The following DMTF1 variants were observed in gnomAD, a reference collection of about 807,000 sequenced individuals.
DMTF1 encodes cyclin D binding myb like transcription factor 1.
DMTF1 carries 39 observed loss-of-function variants against 91.1 expected under a neutral mutation model. The ratio of observed to expected loss-of-function variants is 0.43; its 90% CI spans 0.33 to 0.56. DMTF1 has a LOEUF of 0.56. DMTF1 is among the 20% of genes least tolerant of loss of function. The probability of loss-of-function intolerance (pLI) is 0.05; values close to 1 mark genes in which losing one functional copy is unlikely to be tolerated. For synonymous variants in DMTF1, 338 were observed against 309.5 expected, an observed-to-expected ratio of 1.09 and a Z score of -0.97; for missense variants, 750 against 914.5, an observed-to-expected ratio of 0.82 and a Z score of 2.32.
At chr7:87,191,822 A>G (rs1799863855) in intron 14 of DMTF1, among the ~76,000 whole-genome samples, 1 of 152,178 alleles carries the variant, frequency 6.6e-6, no homozygotes, top group Non-Finnish European at 1.5e-5. Flanking sequence ...TTCTAAAACA[A>G]GTAAACCTAT....
intron 16 of DMTF1, 195 bp from the exon 17 acceptor site, chr7:87,194,489 C>T: frequency 1.9e-6 from 1 of 525,528 alleles, no homozygotes; most frequent in South Asian, 3.1e-5. Context: ...TGACCTAGTC[C>T]TTATGAGTTC....
intron 7 of DMTF1, among the ~76,000 whole-genome samples, chr7:87,177,101 A>C (rs1796413758): frequency 1.3e-5 from 2 of 152,174 alleles, no homozygotes; most frequent in Non-Finnish European, 2.9e-5. Context: ...TTTGCTGTGA[A>C]GTTTCATACA....
chr7:87,193,197 G>A lies in DMTF1; in HGVS notation c.1495-1G>A. On this transcript the variant is annotated splice_acceptor_variant, in intron 14 of 17. Transcript: ENST00000331242. LOFTEE classifies it high-confidence loss of function. ...TAAACTATCTTTCCTTTTTCCTTTA[G>A]TCTTTCCATCTACAGCCCACTGGCA... is the stretch of plus-strand genomic sequence containing the variant. 1 of 1,611,006 alleles carries A rather than the reference G, an allele frequency of 6.2e-7. No individual in the cohort carries two copies. The highest frequency in any genetic ancestry group is 8.5e-7 in the Non-Finnish European group (1 of 1,178,788).
At chr7:87,184,246 A>G (rs576722291) in intron 10 of DMTF1, 151 bp from the exon 11 acceptor site, 344 of 654,212 alleles carry the variant, frequency 5.3e-4, no homozygotes, top group Non-Finnish European at 8.0e-4. Flanking sequence ...AAACTGTCTT[A>G]GTGGGTATAT....
In DMTF1 at chr7:87,163,874, A is replaced by G. The variant is rs115004336; in HGVS notation, c.-9+257A>G. ...GTGGTAAATATATGAATGGACTAAT[A>G]TCTTGTGTATAGGAGCCAGAGAGAG... On this transcript the variant is annotated intron_variant, in intron 2 of 17. Coordinates refer to ENST00000331242, the MANE Select transcript of DMTF1 (RefSeq NM_001142327.2). Among the ~76,000 whole-genome samples the G allele has an allele frequency of 5.2e-3, 796 of 152,160 alleles. 4 individuals are homozygous for G. The highest frequency in any genetic ancestry group is 0.019 in the African/African-American group (768 of 41,496).
At chr7:87,190,339 T>TG (rs1183526653) in intron 13 of DMTF1, among the ~76,000 whole-genome samples, 2 of 151,980 alleles carry the variant, frequency 1.3e-5, no homozygotes, top group African/African-American at 2.4e-5. Context: ...GTTTATAAAG[T>TG]AAGTTATTTA....
intron 4 of DMTF1, among the ~76,000 whole-genome samples, chr7:87,168,398 C>T (rs1190271732): frequency 6.6e-6 from 1 of 152,172 alleles, no homozygotes; most frequent in East Asian, 1.9e-4. Context: ...CATTTGTGAT[C>T]TATTTCAGAC....
chr7:87,162,794 C>T (rs977235224), intron 1 of DMTF1: 1 of 148,276 alleles, frequency 6.7e-6, no homozygotes, highest in Admixed American at 6.7e-5. Context: ...GAAACGTCCC[C>T]TTGAACCTCA....
intron 1 of DMTF1, among the ~76,000 whole-genome samples, chr7:87,154,045 A>G (rs1041107431): frequency 3.9e-5 from 6 of 152,232 alleles, no homozygotes; most frequent in African/African-American, 1.4e-4. Context: ...GCGATACACC[A>G]AAATCTTATC....
Position 87,195,238 on chromosome 7 carries a change from C to G in DMTF1, c.*98C>G, listed in dbSNP as rs1801014101. The G allele has an allele frequency of 1.2e-6, 1 of 813,402 alleles. No homozygotes were observed. Among genetic ancestry groups the G allele is most frequent in the Non-Finnish European group, 2.0e-6 (1 of 505,548 alleles). 50.4% of individuals were successfully genotyped at this position (813,402 alleles called of 1,614,324 possible). ...AGCAACCCCCAAGAGGCTTAATTTACCAATTTAAATAGCCACAGTCCTTAA... is the reference window on the plus strand; with the variant it reads ...AGCAACCCCCAAGAGGCTTAATTTAGCAATTTAAATAGCCACAGTCCTTAA... On this transcript the variant is annotated 3_prime_UTR_variant, in exon 18 of 18. Coordinates refer to ENST00000331242, the MANE Select transcript of DMTF1 (RefSeq NM_001142327.2).
At chr7:87,182,808 C>T (rs1018771011) in intron 10 of DMTF1, among the ~76,000 whole-genome samples, 1 of 152,178 alleles carries the variant, frequency 6.6e-6, no homozygotes, top group Admixed American at 6.5e-5. Flanking sequence ...TTATTTTAAA[C>T]TCAAAGTATA....
At chr7:87,193,048 G>T in intron 14 of DMTF1, 150 bp from the exon 15 acceptor site, 1 of 708,368 alleles carries the variant, frequency 1.4e-6, no homozygotes, top group Non-Finnish European at 2.3e-6. Flanking sequence ...GCTAGGTAAT[G>T]ACTTGAGACG....
In DMTF1 at chr7:87,164,947, C is replaced by T. The variant is rs1336442558; in HGVS notation, c.6C>T (p.Ser2=). 6 of 1,602,536 alleles carry T rather than the reference C, an allele frequency of 3.7e-6. No individual in the cohort carries two copies. The highest frequency in any genetic ancestry group is 5.1e-6 in the Non-Finnish European group (6 of 1,173,316). M[S]TVEEDSDTVT... The stretch of plus-strand genomic sequence containing the variant: ...GTTCTTGTACAGATTTGAGTATGAG[C>T]ACAGTGGAAGAGGATTCTGACACAG... The change falls in exon 3 of 18, where the codon AGC becomes AGT. Residue 2 remains serine, a synonymous_variant. Transcript: ENST00000331242.
intron 14 of DMTF1, among the ~76,000 whole-genome samples, chr7:87,191,339 A>G (rs527808730): frequency 3.3e-5 from 5 of 152,236 alleles, no homozygotes; most frequent in African/African-American, 4.8e-5. Flanking sequence ...ATCATGAGCA[A>G]TTTAACAACA....
intron 12 of DMTF1, 149 bp downstream of exon 12, chr7:87,186,129 T>G (rs1230764703): frequency 2.0e-5 from 16 of 807,974 alleles, no homozygotes; most frequent in Non-Finnish European, 3.1e-5. Flanking sequence ...AGTAATTGTT[T>G]CCTTCCCCAG....
intron 3 of DMTF1, among the ~76,000 whole-genome samples, 190 bp from the exon 4 acceptor site, chr7:87,166,292 TG>T (rs1793810396): frequency 6.6e-6 from 1 of 152,238 alleles, no homozygotes; most frequent in African/African-American, 2.4e-5. Context: ...CTTGAGGAGT[TG>T]AATACTGCAT....
At position 87,184,446 on chromosome 7, in the gene DMTF1, G is replaced by C. The variant is rs1176874080; in HGVS notation, c.870G>C (p.Glu290Asp). The change falls in exon 11 of 18, where the codon GAG (glutamate) becomes GAC (aspartate). Residue 290 changes from glutamate (E) to aspartate (D), a missense_variant. Glu to Asp is a conservative substitution (Grantham distance 45). Coordinates refer to ENST00000331242, the MANE Select transcript of DMTF1 (RefSeq NM_001142327.2). Reference protein sequence around the residue: ...EEKRLAEVVHELTSTEPGDIV... With the variant: ...EEKRLAEVVHDLTSTEPGDIV... ...AGAGACTTGCAGAAGTGGTTCATGAGTTGACAAGCACTGAGCCAGGTGACA... is the reference window on the plus strand; with the variant it reads ...AGAGACTTGCAGAAGTGGTTCATGACTTGACAAGCACTGAGCCAGGTGACA... 2 of 1,613,870 alleles carry C rather than the reference G, an allele frequency of 1.2e-6. No homozygotes were observed. The highest frequency in any genetic ancestry group is 8.5e-7 in the Non-Finnish European group (1 of 1,179,948).
intron 1 of DMTF1, among the ~76,000 whole-genome samples, chr7:87,162,233 C>T (rs1042660579): frequency 6.6e-6 from 1 of 152,100 alleles, no homozygotes; most frequent in Admixed American, 6.5e-5. Flanking sequence ...ACCACCACAC[C>T]TGGCTAATTT....
chr7:87,181,938 G>A, intron 9 of DMTF1: 3 of 1,155,260 alleles, frequency 2.6e-6, no homozygotes, highest in Non-Finnish European at 3.5e-6. Context: ...GCTTGCCTGG[G>A]AGATTGTGTC....
Sources: allele counts gnomAD v4.1 joint callset (sites outside exome capture counted in the v4.1 genomes callset), GRCh38; gene constraint gnomAD v4.1.1; transcripts MANE v1.5; gene names NCBI Gene and HGNC (gene_info 2026-07-23, HGNC 2026-07-21).